SGCZ: variants seen among roughly 807,000 people sequenced by gnomAD.
The protein encoded by SGCZ is zeta-sarcoglycan.
A neutral mutation model predicts 41.3 loss-of-function variants in SGCZ; 40 were observed. The observed-to-expected ratio is 0.97, with a 90% CI of 0.75 to 1.26. SGCZ has a LOEUF of 1.26. Among genes scored for constraint, SGCZ ranks in the 50% most tolerant of loss-of-function variants. SGCZ has a pLI of 0.00. For synonymous variants in SGCZ, 206 were observed against 137.5 expected (o/e 1.50, Z -3.49); for missense variants, 552 against 369.8 (o/e 1.49, Z -4.04).
chr8:14,350,135 G>C (rs2117101879), intron 2 of SGCZ, among the ~76,000 whole-genome samples: 1 of 151,674 alleles, frequency 6.6e-6, no homozygotes, highest in Admixed American at 6.6e-5. Context: ...TAGAGAAAGG[G>C]CTTAGAGCTT....
chr8:14,825,882 T>A (rs1802290385), intron 1 of SGCZ, among the ~76,000 whole-genome samples: 3 of 152,238 alleles, frequency 2.0e-5, no homozygotes, highest in Non-Finnish European at 4.4e-5. Flanking sequence ...CTGCAGGATT[T>A]TCTTCCATTT....
rs540387886 is a variant in SGCZ, at chr8:14,808,736, A to C, written c.40-253810T>G. On this transcript the variant is annotated intron_variant, in intron 1 of 7. Coordinates refer to ENST00000382080, the MANE Select transcript of SGCZ (RefSeq NM_139167.4). ...CCAGCCATCCCATTACTGGGTATAT[A>C]CCCAAAGAACTATAAATCATGCTGC... Among the ~76,000 whole-genome samples, 6 of 152,098 alleles carry C rather than the reference A, an allele frequency of 3.9e-5. No individual in the cohort carries two copies. In the East Asian group the frequency reaches 5.8e-4, roughly 15 times the overall value.
intron 2 of SGCZ, among the ~76,000 whole-genome samples, chr8:14,492,929 T>C (rs1048854782): frequency 1.1e-4 from 16 of 152,190 alleles, no homozygotes; most frequent in African/African-American, 3.9e-4. Flanking sequence ...TTTTACCTTC[T>C]CTATAGTTCT....
chr8:14,662,897 G>T (rs1008390104), intron 1 of SGCZ, among the ~76,000 whole-genome samples: 1 of 152,106 alleles, frequency 6.6e-6, no homozygotes, highest in Non-Finnish European at 1.5e-5. Flanking sequence ...CATGAGCCAA[G>T]GGATGTGACA....
At chr8:14,232,832 T>C (rs142266564) in intron 4 of SGCZ, among the ~76,000 whole-genome samples, 1 of 152,212 alleles carries the variant, frequency 6.6e-6, no homozygotes, top group Non-Finnish European at 1.5e-5. Context: ...AGGATACCTA[T>C]GATGAAATAC....
intron 1 of SGCZ, among the ~76,000 whole-genome samples, chr8:15,123,952 C>T (rs1207721162): frequency 2.0e-5 from 3 of 151,956 alleles, no homozygotes; most frequent in Non-Finnish European, 2.9e-5. Context: ...GTGGGTTGGG[C>T]AAGAGGAAGA....
At chr8:14,425,110 C>T (rs961127259) in intron 2 of SGCZ, among the ~76,000 whole-genome samples, 6 of 152,136 alleles carry the variant, frequency 3.9e-5, no homozygotes, top group African/African-American at 1.4e-4. Context: ...TGTAAACACT[C>T]TTTGTCCAGC....
intron 7 of SGCZ, among the ~76,000 whole-genome samples, chr8:14,099,460 C>T (rs1295620585): frequency 6.6e-6 from 1 of 152,260 alleles, no homozygotes; most frequent in East Asian, 1.9e-4. Context: ...GGTGCGGTGG[C>T]TCACGCCTGT....
chr8:14,152,040 T>G (rs1289089836), intron 5 of SGCZ, among the ~76,000 whole-genome samples: 1 of 152,038 alleles, frequency 6.6e-6, no homozygotes, highest in Non-Finnish European at 1.5e-5. Flanking sequence ...GTTCTTATAT[T>G]TTACACCAAA....
intron 2 of SGCZ, among the ~76,000 whole-genome samples, chr8:14,383,672 CA>C (rs1325260609): frequency 6.6e-6 from 1 of 152,136 alleles, no homozygotes; most frequent in Non-Finnish European, 1.5e-5. Flanking sequence ...AAATGTGCTG[CA>C]GGTATAGAGA....
chr8:14,090,844 C>A (rs1801667915), intron 7 of SGCZ, among the ~76,000 whole-genome samples: 2 of 152,010 alleles, frequency 1.3e-5, no homozygotes, highest in African/African-American at 4.8e-5. Context: ...GGAGATGGTG[C>A]ATTCTGACAG....
At position 15,029,355 on chromosome 8, in the gene SGCZ, G is replaced by T. The variant is rs540009842; in HGVS notation, c.39+208230C>A. Among the ~76,000 whole-genome samples, 61 of 152,070 alleles carry T rather than the reference G, an allele frequency of 4.0e-4. 1 individual carries two copies. In the South Asian group the frequency reaches 0.012, roughly 31 times the overall value. Reference sequence around the variant, plus strand: ...GTATTTAGAATGATATTGCATTTGGGCCATATACCAAATATATGTTATGGT... The same window carrying T: ...GTATTTAGAATGATATTGCATTTGGTCCATATACCAAATATATGTTATGGT... On this transcript the variant is annotated intron_variant, in intron 1 of 7. Coordinates refer to ENST00000382080, the MANE Select transcript of SGCZ (RefSeq NM_139167.4).
chr8:14,240,804 A>G (rs1386639242), intron 3 of SGCZ, among the ~76,000 whole-genome samples: 2 of 152,184 alleles, frequency 1.3e-5, no homozygotes, highest in Non-Finnish European at 2.9e-5. Flanking sequence ...TGTGGATTAG[A>G]CCCATTGCTC....
intron 1 of SGCZ, among the ~76,000 whole-genome samples, chr8:15,076,189 T>A (rs1161127487): frequency 3.3e-5 from 5 of 152,186 alleles, no homozygotes; most frequent in African/African-American, 1.2e-4. Flanking sequence ...TTCTTAGAAA[T>A]TTTTCATGAC....
chr8:14,844,624 C>G (rs1803039053), intron 1 of SGCZ, among the ~76,000 whole-genome samples: 1 of 152,098 alleles, frequency 6.6e-6, no homozygotes, highest in Non-Finnish European at 1.5e-5. Context: ...GATTTGGGGC[C>G]TGTTTTTTTC....
chr8:14,151,211 G>A (rs1360960270), intron 5 of SGCZ, among the ~76,000 whole-genome samples: 1 of 151,954 alleles, frequency 6.6e-6, no homozygotes, highest in Non-Finnish European at 1.5e-5. Flanking sequence ...AAATCCTTGA[G>A]GGCATGAATA....
rs566541059 is a variant in SGCZ, at chr8:14,776,529, T to A, written c.40-221603A>T. The stretch of plus-strand genomic sequence containing the variant: ...TTTTTTTTCTTTTTCTTTTTTTTTT[T>A]TTTTTTTGAGATGGAGTCTCGGTCT... On this transcript the variant is annotated intron_variant, in intron 1 of 7. Transcript: ENST00000382080. Among the ~76,000 whole-genome samples, 5 of 147,584 alleles carry A rather than the reference T, an allele frequency of 3.4e-5. No homozygotes were observed. The South Asian group carries it at 1.1e-3, about 33-fold the overall frequency.
intron 4 of SGCZ, among the ~76,000 whole-genome samples, chr8:14,181,463 C>A (rs1804723810): frequency 6.6e-6 from 1 of 152,184 alleles, no homozygotes. Flanking sequence ...CATCCCCCAT[C>A]CCCAAATCAA....
At chr8:14,213,414 A>G (rs374527515) in intron 4 of SGCZ, among the ~76,000 whole-genome samples, 14 of 152,158 alleles carry the variant, frequency 9.2e-5, no homozygotes, top group African/African-American at 3.4e-4. Flanking sequence ...AGCACACACA[A>G]AAAAGGAACT....
Sources: allele counts gnomAD v4.1 joint callset (sites outside exome capture counted in the v4.1 genomes callset), GRCh38; gene constraint gnomAD v4.1.1; transcripts MANE v1.5; gene names NCBI Gene and HGNC (gene_info 2026-07-23, HGNC 2026-07-21).